The following MCF2 variants were observed in gnomAD, a reference collection of about 807,000 sequenced individuals.
MCF2 encodes the protein proto-oncogene DBL.
MCF2 carries 44 observed loss-of-function variants against 82.5 expected under a neutral mutation model. That is an observed-to-expected ratio of 0.53 (90% CI 0.42 to 0.69). The LOEUF is 0.69. Ranked by LOEUF, MCF2 falls within the 30% of genes least tolerant of loss-of-function variation. The probability of loss-of-function intolerance (pLI) is 0.00; values close to 1 mark genes in which losing one functional copy is unlikely to be tolerated. For missense variants in MCF2, 623 were observed against 663.1 expected, an observed-to-expected ratio of 0.94 and a Z score of 0.66; for synonymous variants, 217 against 224.9, an observed-to-expected ratio of 0.96 and a Z score of 0.32.
At chrX:139,653,215 G>T (rs1225185722) in intron 1 of MCF2, among the ~76,000 whole-genome samples, 1 of 111,991 alleles carries the variant, frequency 8.9e-6, no homozygotes, top group Non-Finnish European at 1.9e-5. Context: ...CAGGCATGGA[G>T]CCATGGAAGA....
chrX:139,614,739 T>C (rs1225133144), intron 10 of MCF2, 142 bp downstream of exon 13: 1 of 551,793 alleles, frequency 1.8e-6, no homozygotes, highest in African/African-American at 2.3e-5. Context: ...GACTCTTGCC[T>C]TGCACAATAT....
At chrX:139,600,548 T>G (rs1930464114) in intron 16 of MCF2, among the ~76,000 whole-genome samples, 1 of 111,464 alleles carries the variant, frequency 9.0e-6, no homozygotes, top group Non-Finnish European at 1.9e-5. Flanking sequence ...CTCAAACAAG[T>G]GACCCTCAGC....
rs969664104 is a variant in MCF2 at position 139,636,113 on chromosome X, A to G, written c.52-3659T>C. On this transcript the variant is annotated intron_variant, in intron 1 of 24. Coordinates refer to ENST00000370576, the Ensembl canonical transcript of MCF2. ...ATTTTGCCTTGGATTCTCGGACGTC[A>G]GAACAAGCAGGTTTGGGTAGAAAAC... 4.5e-5 allele frequency among the ~76,000 whole-genome samples: 5 copies of G among 111,774 alleles called. No homozygotes were observed. In the South Asian group the frequency reaches 1.9e-3, roughly 42 times the overall value.
chrX:139,691,984 G>A (rs1935280240), intron 1 of MCF2: 1 of 1,166,511 alleles, frequency 8.6e-7, no homozygotes, highest in East Asian at 3.3e-5. Context: ...CTCACGCGCT[G>A]CAGGGCCATG....
rs111717557 is a variant in MCF2, at chrX:139,685,564, C to T, written c.-45+22542G>A. On this transcript the variant is annotated intron_variant, in intron 1 of 27. Coordinates refer to the MCF2 transcript ENST00000414978. Reference sequence around the variant, plus strand: ...GTGGACCCCCTTAGAGTTGTCAGCCCTTAAAAGGGACAGGAATTGCTCACT... The same window carrying T: ...GTGGACCCCCTTAGAGTTGTCAGCCTTTAAAAGGGACAGGAATTGCTCACT... Among the ~76,000 whole-genome samples, 349 of 110,810 alleles carry T rather than the reference C, an allele frequency of 3.1e-3. 2 individuals carry two copies. The highest frequency in any genetic ancestry group is 0.011 in the African/African-American group (340 of 30,561).
exon 10 of MCF2, chrX:139,614,952 G>A (rs781532135): frequency 1.7e-6 from 2 of 1,207,144 alleles, no homozygotes; most frequent in Non-Finnish European, 2.2e-6. Context: ...AAATTGGATT[G>A]GCCTCACATG....
At chrX:139,589,800 G>T in intron 20 of MCF2, 35 bp downstream of exon 24, 1 of 997,319 alleles carries the variant, frequency 1.0e-6, no homozygotes, top group Non-Finnish European at 1.4e-6. Context: ...TTCAATGCAG[G>T]TTTGGGTTTC....
At chrX:139,595,469 T>A (rs1603276717) in intron 19 of MCF2, among the ~76,000 whole-genome samples, 1 of 104,855 alleles carries the variant, frequency 9.5e-6, no homozygotes, top group Non-Finnish European at 1.9e-5. Flanking sequence ...CAGTAAACTA[T>A]CGCAAGAACA....
chrX:139,642,700 A>G, exon 1 of MCF2: 13 of 1,076,820 alleles, frequency 1.2e-5, no homozygotes, highest in Admixed American at 3.8e-5. Context: ...AAAAAAAACC[A>G]CTATCCCTGA....
intron 1 of MCF2, among the ~76,000 whole-genome samples, chrX:139,682,620 G>A (rs978572341): frequency 3.6e-5 from 4 of 112,276 alleles, no homozygotes; most frequent in African/African-American, 6.5e-5. Context: ...TCCTGCCACA[G>A]GGAGGATAAC....
chrX:139,596,500 A>G, intron 19 of MCF2, 49 bp downstream of exon 23: 1 of 935,218 alleles, frequency 1.1e-6, no homozygotes, highest in Non-Finnish European at 1.5e-6. Context: ...AAACTGGGAG[A>G]CACACACACA....
chrX:139,701,020 A>G (rs746219393), intron 1 of MCF2, among the ~76,000 whole-genome samples: 11 of 111,587 alleles, frequency 9.9e-5, no homozygotes, highest in Admixed American at 5.7e-4. Flanking sequence ...AGATCCACTC[A>G]TTATCGAAGG....
chrX:139,655,100 G>A (rs747872882), intron 1 of MCF2, among the ~76,000 whole-genome samples: 34 of 111,610 alleles, frequency 3.0e-4, no homozygotes, highest in Admixed American at 2.4e-3. Context: ...TGTTCTTTTT[G>A]GTTAGGACTG....
At chrX:139,692,198 C>G (rs1213514379) in intron 1 of MCF2, 8 of 840,768 alleles carry the variant, frequency 9.5e-6, no homozygotes, top group Non-Finnish European at 1.3e-5. Flanking sequence ...CGCTGGAGAG[C>G]CGGGCAGGGC....
chrX:139,651,342 G>C (rs1275088785), intron 2 of MCF2, among the ~76,000 whole-genome samples: 3 of 110,955 alleles, frequency 2.7e-5, no homozygotes, highest in Non-Finnish European at 3.8e-5. Context: ...GCCACCATTT[G>C]TAATACACAT....
chrX:139,653,507 A>G (rs1934099189), intron 1 of MCF2, among the ~76,000 whole-genome samples: 2 of 111,062 alleles, frequency 1.8e-5, no homozygotes, highest in Admixed American at 1.9e-4. Flanking sequence ...ATAGCTATGG[A>G]AACTATGTCC....
chrX:139,634,782 C>A (rs1933106767), intron 1 of MCF2, among the ~76,000 whole-genome samples: 1 of 111,232 alleles, frequency 9.0e-6, no homozygotes, highest in African/African-American at 3.3e-5. Context: ...TTCCAACACA[C>A]AATGATTAAT....
In MCF2 at chrX:139,617,721, CA is replaced by C. The variant is rs775000320; in HGVS notation, c.808-18del. ...TAATAGCTCCTGATTATAACAAAGA[CA>C]AAAAATAATGAATACATGATCTCTG... is the stretch of plus-strand genomic sequence containing the variant. On this transcript the variant is annotated intron_variant, in intron 7 of 24. Coordinates refer to ENST00000370576, the Ensembl canonical transcript of MCF2. 9.8e-4 allele frequency: 1,007 copies of C among 1,026,533 alleles called. 6 individuals carry two copies. In the African/African-American group the frequency reaches 0.018, roughly 18 times the overall value. The allele number at this position is 1,026,533 out of a possible 1,213,427, so 84.6% of individuals were successfully genotyped here. A position where few individuals can be genotyped will look rare whatever the true frequency, so the allele number is the denominator to read the frequency against.
At chrX:139,681,394 T>A (rs1434731595) in intron 1 of MCF2, among the ~76,000 whole-genome samples, 1 of 112,007 alleles carries the variant, frequency 8.9e-6, no homozygotes, top group African/African-American at 3.2e-5. Context: ...AAATTCATAT[T>A]CCAGTAGCAT....
Sources: gnomAD v4.1 joint callset for allele counts (sites outside exome capture counted in the v4.1 genomes callset) on GRCh38, gnomAD v4.1.1 for gene constraint, MANE v1.5 for transcripts, NCBI Gene and HGNC (gene_info 2026-07-23, HGNC 2026-07-21) for gene names.